Variants in NME7 observed in about 807,000 individuals in gnomAD.
NME7 encodes NME/NM23 family member 7, also known as nucleoside diphosphate kinase 7.
A neutral mutation model predicts 49.1 loss-of-function variants in NME7; 41 were observed. The ratio of observed to expected loss-of-function variants is 0.83; its 90% CI spans 0.65 to 1.08. NME7 has a LOEUF of 1.08. Among genes scored for constraint, NME7 ranks in the 50% least tolerant of loss-of-function variants. The pLI, the probability that NME7 is intolerant of heterozygous loss-of-function variation, is 0.00. For synonymous variants in NME7, 139 were observed against 150.6 expected, an observed-to-expected ratio of 0.92 and a Z score of 0.56; for missense variants, 423 against 463.4, an observed-to-expected ratio of 0.91 and a Z score of 0.80.
chr1:169,228,879 G>A (rs1557997657), intron 10 of NME7, among the ~76,000 whole-genome samples: 1 of 152,010 alleles, frequency 6.6e-6, no homozygotes, highest in Non-Finnish European at 1.5e-5. Context: ...CTTTGCAACA[G>A]AGTCACCTTG....
At chr1:169,242,901 G>A (rs1472262442) in intron 7 of NME7, among the ~76,000 whole-genome samples, 4 of 151,988 alleles carry the variant, frequency 2.6e-5, no homozygotes, top group African/African-American at 9.7e-5. Context: ...AATGCTGGAT[G>A]AAAGAGCTAA....
In NME7 at chr1:169,313,452, T is replaced by A. The variant is rs986973399; in HGVS notation, c.279-3372A>T. ...ATACAAGTTCACATCATCTAAGCAG[T>A]CTCAAAACTTAGAATTTTTGAACTA... On this transcript the variant is annotated intron_variant, in intron 3 of 11. Coordinates refer to ENST00000367811, the MANE Select transcript of NME7 (RefSeq NM_013330.5). Among the ~76,000 whole-genome samples the A allele has an allele frequency of 3.9e-5, 6 of 152,254 alleles. No homozygotes were observed. The South Asian group carries it at 6.2e-4, about 16-fold the overall frequency.
intron 7 of NME7, among the ~76,000 whole-genome samples, chr1:169,266,093 A>G (rs1649311219): frequency 7.6e-6 from 1 of 132,100 alleles, no homozygotes; most frequent in South Asian, 2.3e-4. Context: ...GGAGGAGGGA[A>G]TCCTCCTCAA....
chr1:169,236,115 T>A (rs578159660), intron 8 of NME7, among the ~76,000 whole-genome samples: 3 of 152,266 alleles, frequency 2.0e-5, no homozygotes, highest in South Asian at 4.1e-4. Flanking sequence ...GGAAATTCTG[T>A]TGGATTTCAG....
At chr1:169,362,723 G>C (rs1267746569) in intron 1 of NME7, among the ~76,000 whole-genome samples, 4 of 152,304 alleles carry the variant, frequency 2.6e-5, no homozygotes, top group Non-Finnish European at 5.9e-5. Flanking sequence ...ACAGAGAAGG[G>C]ACATCTGTTT....
At chr1:169,290,114 T>G (rs1477957457) in intron 6 of NME7, among the ~76,000 whole-genome samples, 2 of 152,080 alleles carry the variant, frequency 1.3e-5, no homozygotes, top group African/African-American at 2.4e-5. Context: ...AAGTATATAG[T>G]TGTACTACTT....
intron 11 of NME7, among the ~76,000 whole-genome samples, chr1:169,146,508 T>C (rs2143287): frequency 0.39 from 60,043 of 152,062 alleles, 12,201 homozygotes; most frequent in East Asian, 0.74. Flanking sequence ...AACATACATA[T>C]TCTTTAAATC....
At chr1:169,227,764 C>G (rs1385390874) in intron 10 of NME7, among the ~76,000 whole-genome samples, 1 of 152,262 alleles carries the variant, frequency 6.6e-6, no homozygotes, top group East Asian at 1.9e-4. Flanking sequence ...TCAACATATA[C>G]ACATGGGGAT....
At chr1:169,247,152 C>T (rs1375687066) in intron 7 of NME7, 3 of 450,346 alleles carry the variant, frequency 6.7e-6, no homozygotes, top group Non-Finnish European at 1.3e-5. Flanking sequence ...CAAGGACAGT[C>T]TAAGAAAAAC....
intron 10 of NME7, among the ~76,000 whole-genome samples, chr1:169,182,027 C>G (rs1398390132): frequency 6.6e-6 from 1 of 152,088 alleles, no homozygotes; most frequent in Non-Finnish European, 1.5e-5. Context: ...TTAACTACTG[C>G]CCAGTTCTCT....
chr1:169,321,411 T>C (rs1324253697), intron 3 of NME7, among the ~76,000 whole-genome samples: 1 of 152,202 alleles, frequency 6.6e-6, no homozygotes, highest in Non-Finnish European at 1.5e-5. Context: ...GAGGTGTATG[T>C]AAAGTGCATA....
chr1:169,355,304 T>TAATATATTGTATATTATATAC lies in NME7; in HGVS notation c.3+12403_3+12404insGTATATAATATACAATATATT, dbSNP rs1557837875. On this transcript the variant is annotated intron_variant, in intron 1 of 11. Transcript: ENST00000367811. ...TATATAATATATTGTATATTATATA[T>TAATATATTGTATATTATATAC]AATATATTGTATATTATATATAATA... is the stretch of plus-strand genomic sequence containing the variant. Among the ~76,000 whole-genome samples the TAATATATTGTATATTATATAC allele has an allele frequency of 5.5e-3, 573 of 104,614 alleles. 27 individuals are homozygous for TAATATATTGTATATTATATAC. Among genetic ancestry groups the TAATATATTGTATATTATATAC allele is most frequent in the African/African-American group, 0.023 (560 of 24,886 alleles). 68.6% of individuals were successfully genotyped at this position (104,614 alleles called of 152,430 possible). A position where few individuals can be genotyped will look rare whatever the true frequency, so the allele number is the denominator to read the frequency against.
intron 7 of NME7, among the ~76,000 whole-genome samples, chr1:169,278,299 T>C (rs1262935404): frequency 6.6e-6 from 1 of 151,562 alleles, no homozygotes; most frequent in Admixed American, 6.6e-5. Context: ...CTTGGTTCCA[T>C]TCTCCCCGTC....
intron 10 of NME7, among the ~76,000 whole-genome samples, chr1:169,174,747 T>C (rs1041782356): frequency 2.6e-5 from 4 of 152,208 alleles, no homozygotes; most frequent in African/African-American, 7.2e-5. Flanking sequence ...ACAGTAAAAA[T>C]ATGGTAAAAA....
chr1:169,298,361 A>C lies in NME7; in HGVS notation c.648+195T>G, dbSNP rs556031119. On this transcript the variant is annotated intron_variant, in intron 6 of 11. Transcript: ENST00000367811. ...TAATTGGAGAAAACTTACGTTGATC[A>C]TGATCAGGTTACCAGTTCACAAAGG... is the stretch of plus-strand genomic sequence containing the variant. Among the ~76,000 whole-genome samples the C allele has an allele frequency of 8.8e-4, 134 of 152,306 alleles. 1 individual carries two copies. Among genetic ancestry groups the C allele is most frequent in the African/African-American group, 3.2e-3 (131 of 41,570 alleles).
intron 10 of NME7, among the ~76,000 whole-genome samples, chr1:169,177,800 C>T (rs1350700204): frequency 6.6e-6 from 1 of 151,902 alleles, no homozygotes; most frequent in Non-Finnish European, 1.5e-5. Context: ...AGCATGAAAA[C>T]ACACAGTATT....
chr1:169,177,907 G>A (rs1478988622), intron 10 of NME7, among the ~76,000 whole-genome samples: 1 of 152,072 alleles, frequency 6.6e-6, no homozygotes, highest in Non-Finnish European at 1.5e-5. Context: ...CGTGATCGCG[G>A]CTCACTGCAA....
chr1:169,242,731 A>C (rs1182686955), intron 7 of NME7, among the ~76,000 whole-genome samples: 1 of 151,164 alleles, frequency 6.6e-6, no homozygotes, highest in African/African-American at 2.4e-5. Flanking sequence ...TGAAAGATAC[A>C]AGGTAAACAT....
intron 10 of NME7, among the ~76,000 whole-genome samples, chr1:169,204,985 A>G (rs1571289266): frequency 1.3e-5 from 2 of 152,178 alleles, no homozygotes; most frequent in East Asian, 3.9e-4. Flanking sequence ...ACAGTTTTCC[A>G]TCTAATTTTT....
Sources: gnomAD v4.1 joint callset for allele counts (sites outside exome capture counted in the v4.1 genomes callset) on GRCh38, gnomAD v4.1.1 for gene constraint, MANE v1.5 for transcripts, NCBI Gene and HGNC (gene_info 2026-07-23, HGNC 2026-07-21) for gene names.